Variants in RBFOX1 observed in about 807,000 individuals in gnomAD.
RBFOX1 encodes RNA binding fox-1 homolog 1, also known as RNA binding protein fox-1 homolog 1.
Under a neutral mutation model 57.7 loss-of-function variants are expected in RBFOX1, and 8 were observed. The observed-to-expected ratio is 0.14, with a 90% confidence interval of 0.08 to 0.25. The LOEUF (loss-of-function observed/expected upper bound fraction) is 0.25, where lower values mean the gene tolerates loss of function less well. Among genes scored for constraint, RBFOX1 ranks in the 10% least tolerant of loss-of-function variants. The probability of loss-of-function intolerance (pLI) is 1.00; values close to 1 mark genes in which losing one functional copy is unlikely to be tolerated. For synonymous variants in RBFOX1, 326 were observed against 222.4 expected, an observed-to-expected ratio of 1.47 and a Z score of -4.15; for missense variants, 611 against 548.5, an observed-to-expected ratio of 1.11 and a Z score of -1.14.
chr16:6,742,752 T>TATATATA (rs1949148802), intron 3 of RBFOX1, among the ~76,000 whole-genome samples: 1 of 152,144 alleles, frequency 6.6e-6, no homozygotes, highest in Non-Finnish European at 1.5e-5. Flanking sequence ...TTATAGACTA[T>TATATATA]ACAATGTCAT....
chr16:6,063,059 T>A (rs2095709224), intron 1 of RBFOX1, among the ~76,000 whole-genome samples: 1 of 152,188 alleles, frequency 6.6e-6, no homozygotes, highest in South Asian at 2.1e-4. Flanking sequence ...TGATGATAGA[T>A]GTCATTCACA....
At chr16:6,913,782 G>A (rs2072358721) in intron 3 of RBFOX1, among the ~76,000 whole-genome samples, 1 of 152,146 alleles carries the variant, frequency 6.6e-6, no homozygotes, top group Non-Finnish European at 1.5e-5. Context: ...AAGCTATTGA[G>A]TCTGAAACAC....
intron 4 of RBFOX1, among the ~76,000 whole-genome samples, chr16:7,100,861 A>G (rs1465352218): frequency 1.3e-5 from 2 of 152,226 alleles, no homozygotes; most frequent in African/African-American, 2.4e-5. Context: ...GGGCAATACT[A>G]TACTGAATGC....
chr16:5,797,766 C>T lies in RBFOX1; in HGVS notation c.319-69537C>T, dbSNP rs75238848. Among the ~76,000 whole-genome samples, 7 of 152,174 alleles carry T rather than the reference C, an allele frequency of 4.6e-5. No homozygotes were observed. In the East Asian group the frequency reaches 5.8e-4, roughly 13 times the overall value. ...ATTTTATTGGAATTAAGCTAAAATACGATAAGCAGCCACACAGCAGATAGT... is the reference window on the plus strand; with the variant it reads ...ATTTTATTGGAATTAAGCTAAAATATGATAAGCAGCCACACAGCAGATAGT... On this transcript the variant is annotated intron_variant, in intron 3 of 19. Transcript: ENST00000641259.
At chr16:7,525,858 G>C (rs138864043) in intron 5 of RBFOX1, among the ~76,000 whole-genome samples, 156 of 152,256 alleles carry the variant, frequency 1.0e-3, no homozygotes, top group African/African-American at 3.4e-3. Flanking sequence ...AGTTGGGAAT[G>C]GTGCAGTTGA....
At chr16:5,921,836 G>C (rs567823125) in intron 4 of RBFOX1, among the ~76,000 whole-genome samples, 17 of 152,074 alleles carry the variant, frequency 1.1e-4, no homozygotes, top group Middle Eastern at 3.4e-3. Context: ...GAGAGCAAGA[G>C]GGGGAGGAGC....
At chr16:5,566,300 C>A (rs533973748) in intron 2 of RBFOX1, among the ~76,000 whole-genome samples, 1 of 152,086 alleles carries the variant, frequency 6.6e-6, no homozygotes, top group African/African-American at 2.4e-5. Flanking sequence ...TATGTCAGCA[C>A]TGTAACGGCA....
intron 3 of RBFOX1, among the ~76,000 whole-genome samples, chr16:5,841,491 T>A (rs887579459): frequency 1.3e-5 from 2 of 152,176 alleles, no homozygotes; most frequent in African/African-American, 4.8e-5. Context: ...AATTGCCAGA[T>A]ATAACAAGTA....
intron 3 of RBFOX1, among the ~76,000 whole-genome samples, chr16:6,735,730 C>T (rs142357375): frequency 1.3e-5 from 2 of 152,252 alleles, no homozygotes; most frequent in African/African-American, 4.8e-5. Flanking sequence ...TGAAAAGCCC[C>T]AGTGCAGGAG....
intron 4 of RBFOX1, among the ~76,000 whole-genome samples, chr16:5,980,020 A>G (rs1284749596): frequency 4.6e-5 from 7 of 152,180 alleles, no homozygotes; most frequent in Non-Finnish European, 1.0e-4. Flanking sequence ...GTGCTAGGGA[A>G]TTTGATCCAA....
intron 10 of RBFOX1, among the ~76,000 whole-genome samples, chr16:7,619,225 A>G (rs2058929873): frequency 6.6e-6 from 1 of 152,188 alleles, no homozygotes; most frequent in African/African-American, 2.4e-5. Context: ...TGGAGAAAAA[A>G]AAAACTATTT....
At chr16:6,382,390 C>T (rs887564169) in intron 2 of RBFOX1, among the ~76,000 whole-genome samples, 1 of 152,122 alleles carries the variant, frequency 6.6e-6, no homozygotes, top group Non-Finnish European at 1.5e-5. Context: ...CTTTCTCCTG[C>T]AGAGTGGGTA....
intron 3 of RBFOX1, among the ~76,000 whole-genome samples, chr16:5,751,112 G>A (rs1323488342): frequency 6.6e-6 from 1 of 152,128 alleles, no homozygotes; most frequent in Non-Finnish European, 1.5e-5. Flanking sequence ...TAAAGTGCTG[G>A]GATTACAGGC....
At chr16:6,303,032 G>T (rs1233979828) in intron 1 of RBFOX1, among the ~76,000 whole-genome samples, 1 of 152,184 alleles carries the variant, frequency 6.6e-6, no homozygotes, top group Non-Finnish European at 1.5e-5. Flanking sequence ...GTTGGGATAT[G>T]ATGCTTGAGG....
intron 3 of RBFOX1, among the ~76,000 whole-genome samples, chr16:6,925,429 C>G (rs1028467643): frequency 6.6e-6 from 1 of 150,452 alleles, no homozygotes; most frequent in Admixed American, 6.7e-5. Context: ...CCAGCCTATC[C>G]TTTTTAATGC....
intron 3 of RBFOX1, among the ~76,000 whole-genome samples, chr16:6,686,416 C>A (rs2059443815): frequency 6.6e-6 from 1 of 152,222 alleles, no homozygotes; most frequent in African/African-American, 2.4e-5. Flanking sequence ...CACCTAAGAA[C>A]TGCTATGCGC....
intron 4 of RBFOX1, among the ~76,000 whole-genome samples, chr16:7,088,500 C>T (rs923407388): frequency 1.3e-5 from 2 of 151,026 alleles, no homozygotes; most frequent in South Asian, 2.1e-4. Context: ...TTTACATGCA[C>T]TTATTCTGGC....
intron 4 of RBFOX1, among the ~76,000 whole-genome samples, chr16:7,420,987 T>A (rs1209688249): frequency 1.3e-5 from 2 of 150,498 alleles, no homozygotes. Context: ...AGTCCTGCGC[T>A]TTCCTGAGGC....
chr16:5,543,891 A>G (rs1203139511), intron 2 of RBFOX1, among the ~76,000 whole-genome samples: 1 of 152,216 alleles, frequency 6.6e-6, no homozygotes, highest in Admixed American at 6.5e-5. Flanking sequence ...ACAACAAAAC[A>G]AAAATAAAAA....
Sources: gnomAD v4.1 joint callset for allele counts (sites outside exome capture counted in the v4.1 genomes callset) on GRCh38, gnomAD v4.1.1 for gene constraint, MANE v1.5 for transcripts, NCBI Gene and HGNC (gene_info 2026-07-23, HGNC 2026-07-21) for gene names.